The following ROCK1 variants were observed in gnomAD, a reference collection of about 807,000 sequenced individuals.
The protein encoded by ROCK1 is Rho associated coiled-coil containing protein kinase 1.
ROCK1 carries 36 observed loss-of-function variants against 196.8 expected under a neutral mutation model. The ratio of observed to expected loss-of-function variants is 0.18; its 90% CI spans 0.14 to 0.24. ROCK1 has a LOEUF of 0.24. ROCK1 is among the 10% of genes least tolerant of loss of function. The pLI, the probability that ROCK1 is intolerant of heterozygous loss-of-function variation, is 1.00. For synonymous variants in ROCK1, 443 were observed against 515.9 expected, an observed-to-expected ratio of 0.86 and a Z score of 1.91; for missense variants, 920 against 1,562.0, an observed-to-expected ratio of 0.59 and a Z score of 6.93.
In ROCK1 at chr18:21,111,772, C is replaced by T. The variant is rs2036756731; in HGVS notation, c.-862G>A. ...GGGGGGCTGAGAGGGACTAATATGTCCGCCTTCCTGTTCAAACAAACGGAG... is the reference window on the plus strand; with the variant it reads ...GGGGGGCTGAGAGGGACTAATATGTTCGCCTTCCTGTTCAAACAAACGGAG... On this transcript the variant is annotated 5_prime_UTR_variant, in exon 1 of 33. Transcript: ENST00000399799. This position sits in a 1 kb window ranked among gnomAD's most constrained non-coding sequence, Gnocchi z 4.2. The T allele has an allele frequency of 6.6e-6, 1 of 152,178 alleles. No individual in the cohort carries two copies. Among genetic ancestry groups the T allele is most frequent in the Non-Finnish European group, 1.5e-5 (1 of 68,158 alleles). 9.4% of individuals were successfully genotyped at this position (152,178 alleles called of 1,614,324 possible). A position where few individuals can be genotyped will look rare whatever the true frequency, so the allele number is the denominator to read the frequency against.
At chr18:20,986,896 T>TA in intron 19 of ROCK1, 54 bp downstream of exon 19, 1 of 1,454,236 alleles carries the variant, frequency 6.9e-7, no homozygotes, top group Non-Finnish European at 9.4e-7. Context: ...AGTCATAACT[T>TA]ATATAACCGT....
chr18:21,050,686 T>C (rs1390643990), intron 2 of ROCK1, among the ~76,000 whole-genome samples: 2 of 152,170 alleles, frequency 1.3e-5, no homozygotes, highest in African/African-American at 2.4e-5. Flanking sequence ...TGTATTAATA[T>C]TCTTGTTTTC....
rs573070805 is a variant in ROCK1 at position 21,000,343 on chromosome 18, A to T, written c.1885+6008T>A. On this transcript the variant is annotated intron_variant, in intron 16 of 32. Coordinates refer to ENST00000399799, the MANE Select transcript of ROCK1 (RefSeq NM_005406.3). The stretch of plus-strand genomic sequence containing the variant: ...AATGGTGCAATCTTGGCTCACTGCA[A>T]CCGCTGCCTCCCAGGCTCAAGTGAT... 2.9e-3 allele frequency among the ~76,000 whole-genome samples: 448 copies of T among 152,142 alleles called. 2 individuals are homozygous for T. The highest frequency in any genetic ancestry group is 0.01 in the African/African-American group (419 of 41,492).
At chr18:21,086,046 TTTG>T (rs2036524036) in intron 1 of ROCK1, among the ~76,000 whole-genome samples, 1 of 152,108 alleles carries the variant, frequency 6.6e-6, no homozygotes, top group Admixed American at 6.6e-5. Flanking sequence ...AAGTATCTAA[TTTG>T]TTATTTTGGG....
chr18:20,971,329 C>CACAT (rs1568371080), intron 22 of ROCK1, among the ~76,000 whole-genome samples: 1 of 77,220 alleles, frequency 1.3e-5, no homozygotes, highest in East Asian at 5.0e-4. Flanking sequence ...CACACACACA[C>CACAT]ACACACACAC....
At chr18:20,991,724 T>A (rs2035627994) in intron 17 of ROCK1, among the ~76,000 whole-genome samples, 1 of 152,080 alleles carries the variant, frequency 6.6e-6, no homozygotes, top group African/African-American at 2.4e-5. Flanking sequence ...AGCCTTGAAC[T>A]CCTGGGCTCA....
chr18:21,107,195 T>C (rs953844699), intron 1 of ROCK1, among the ~76,000 whole-genome samples: 1 of 152,208 alleles, frequency 6.6e-6, no homozygotes, highest in Non-Finnish European at 1.5e-5. Context: ...TATGGCGTCA[T>C]GTCAGCACTC....
At chr18:20,983,208 G>A (rs759420756) in intron 20 of ROCK1, among the ~76,000 whole-genome samples, 1 of 149,790 alleles carries the variant, frequency 6.7e-6, no homozygotes, top group Non-Finnish European at 1.5e-5. Context: ...AAAAAGAGGG[G>A]GGCATGAAAA....
intron 9 of ROCK1, among the ~76,000 whole-genome samples, chr18:21,038,500 G>T (rs1249927548): frequency 6.6e-6 from 1 of 152,016 alleles, no homozygotes; most frequent in African/African-American, 2.4e-5. Flanking sequence ...TAAAATATTT[G>T]ATAACTAGAA....
chr18:21,024,180 G>A (rs764090935), intron 10 of ROCK1, among the ~76,000 whole-genome samples: 3 of 152,048 alleles, frequency 2.0e-5, no homozygotes, highest in Non-Finnish European at 4.4e-5. Context: ...TTGCCTCTTC[G>A]GGTCAAAAAA....
At chr18:21,076,276 G>A (rs2036430560) in intron 1 of ROCK1, among the ~76,000 whole-genome samples, 1 of 152,182 alleles carries the variant, frequency 6.6e-6, no homozygotes, top group South Asian at 2.1e-4. Flanking sequence ...GGCCAAGGCA[G>A]GAGGATCACT....
intron 1 of ROCK1, among the ~76,000 whole-genome samples, chr18:21,082,721 T>C (rs1291802560): frequency 1.3e-5 from 2 of 152,166 alleles, no homozygotes; most frequent in African/African-American, 4.8e-5. Flanking sequence ...ACAGCTAACA[T>C]CATACTCAAT....
At chr18:20,968,206 T>G (rs959404473) in intron 25 of ROCK1, among the ~76,000 whole-genome samples, 2 of 152,220 alleles carry the variant, frequency 1.3e-5, no homozygotes. Flanking sequence ...ACTCTGATGT[T>G]GGGTACTAGC....
chr18:21,078,373 CAGAG>C (rs796701748), intron 1 of ROCK1, among the ~76,000 whole-genome samples: 116 of 66,222 alleles, frequency 1.8e-3, no homozygotes, highest in Middle Eastern at 6.8e-3. Context: ...CACACACACA[CAGAG>C]AGAGAGAGAG....
chr18:21,041,803 A>C (rs2036109680), intron 8 of ROCK1, among the ~76,000 whole-genome samples: 3 of 152,124 alleles, frequency 2.0e-5, no homozygotes, highest in Admixed American at 6.5e-5. Flanking sequence ...TTTTAGATTC[A>C]GTAAAATACA....
At position 20,950,128 on chromosome 18, in the gene ROCK1, ACTCTT is replaced by A. The variant is rs1181032454; in HGVS notation, c.*1251_*1255del. 1.3e-5 allele frequency: 2 copies of A among 152,610 alleles called. No individual in the cohort carries two copies. Among genetic ancestry groups the A allele is most frequent in the Admixed American group, 1.3e-4 (2 of 15,268 alleles). The allele number at this position is 152,610 out of a possible 1,614,324, so 9.5% of individuals were successfully genotyped here. Reference sequence around the variant, plus strand: ...TAAATCATACTGTCCATATGAATCAACTCTTGTTACTGGACAAGAGTTTAACAGTA... The same window carrying A: ...TAAATCATACTGTCCATATGAATCAAGTTACTGGACAAGAGTTTAACAGTA... On this transcript the variant is annotated 3_prime_UTR_variant, in exon 33 of 33. Transcript: ENST00000399799.
rs977424455 is a variant in ROCK1 at position 20,987,035 on chromosome 18, T to C, written c.2219A>G (p.Gln740Arg). 28 of 1,612,820 alleles carry C rather than the reference T, an allele frequency of 1.7e-5. No individual in the cohort carries two copies. Among genetic ancestry groups the C allele is most frequent in the Non-Finnish European group, 2.3e-5 (27 of 1,179,678 alleles). Residue 740 changes from glutamine to arginine, a missense_variant, in exon 19 of 33, where the codon CAG becomes CGG. Physicochemically the swap from Gln to Arg is conservative, Grantham distance 43 (BLOSUM62 1). Around this residue, in one of 6 missense-constraint regions of ROCK1, gnomAD observed 520 missense variants for 657.1 expected, o/e 0.79. Transcript: ENST00000399799. The part of the protein sequence containing the change: ...AENRVVQIEK[Q>R]CSMLDVDLKQ... ...CAGATCAACGTCTAGCATGGAACAC[T>C]GTTTCTCAATCTGAACAACCCGATT...
At chr18:21,083,867 T>C (rs1198071035) in intron 1 of ROCK1, among the ~76,000 whole-genome samples, 1 of 152,212 alleles carries the variant, frequency 6.6e-6, no homozygotes, top group African/African-American at 2.4e-5. Flanking sequence ...TTCATGTATT[T>C]CAAATGTATG....
chr18:20,982,396 T>C (rs2035541181), intron 21 of ROCK1, among the ~76,000 whole-genome samples: 1 of 152,052 alleles, frequency 6.6e-6, no homozygotes, highest in South Asian at 2.1e-4. Flanking sequence ...CGACTACAGG[T>C]GCCTGCCACC....
Sources: allele counts gnomAD v4.1 joint callset (sites outside exome capture counted in the v4.1 genomes callset), GRCh38; gene constraint gnomAD v4.1.1; regional missense constraint gnomAD v4.1.1; non-coding constraint Gnocchi (gnomAD v3.1); transcripts MANE v1.5; gene names NCBI Gene and HGNC (gene_info 2026-07-23, HGNC 2026-07-21).